FUT8: variants seen among roughly 807,000 people sequenced by gnomAD.
FUT8 encodes fucosyltransferase 8.
In FUT8, 29 loss-of-function variants were observed where a neutral mutation model predicts 71.3. The observed-to-expected ratio is 0.41, with a 90% CI of 0.30 to 0.55. The LOEUF is 0.55. FUT8 is among the 20% of genes least tolerant of loss of function. The pLI is 0.34. For missense variants in FUT8, 544 were observed against 702.1 expected (o/e 0.77, Z 2.55); for synonymous variants, 254 against 239.3 (o/e 1.06, Z -0.57).
At chr14:65,706,937 A>G (rs1894585242) in intron 7 of FUT8, among the ~76,000 whole-genome samples, 1 of 152,182 alleles carries the variant, frequency 6.6e-6, no homozygotes, top group Admixed American at 6.5e-5. Context: ...TTATAAATGT[A>G]TAGTGCTAAC....
intron 5 of FUT8, 35 bp downstream of exon 5, chr14:65,616,408 A>G (rs759138158): frequency 5.4e-6 from 8 of 1,492,540 alleles, no homozygotes; most frequent in Non-Finnish European, 7.2e-6. Context: ...TTTGGGCTTT[A>G]GAAAAGATTA....
chr14:65,565,007 T>C (rs1453793414), intron 3 of FUT8, among the ~76,000 whole-genome samples: 2 of 152,016 alleles, frequency 1.3e-5, no homozygotes, highest in Non-Finnish European at 2.9e-5. Flanking sequence ...TGGCTCATGA[T>C]TCTGGTGGCC....
intron 3 of FUT8, among the ~76,000 whole-genome samples, chr14:65,594,585 C>T (rs1279646121): frequency 6.6e-6 from 1 of 152,150 alleles, no homozygotes; most frequent in Non-Finnish European, 1.5e-5. Context: ...GCATGTGGTA[C>T]ATCCCAAATT....
rs1390048617 is a variant in FUT8, at chr14:65,574,265, C to T, written c.203+12499C>T. 1.3e-5 allele frequency among the ~76,000 whole-genome samples: 2 copies of T among 152,058 alleles called. No individual in the cohort carries two copies. Among genetic ancestry groups the T allele is most frequent in the African/African-American group, 2.4e-5 (1 of 41,378 alleles). On this transcript the variant is annotated intron_variant, in intron 3 of 10. Transcript: ENST00000673929. This position sits in a 1 kb window ranked among gnomAD's most constrained non-coding sequence, Gnocchi z 5.2. ...TCTGCTAGCAAGATAAAGTTTCAGT[C>T]TTTTTAAACACAGTCATGGAAGATA...
chr14:65,718,769 A>G (rs548852199), intron 7 of FUT8, among the ~76,000 whole-genome samples: 13 of 152,126 alleles, frequency 8.5e-5, no homozygotes, highest in Middle Eastern at 3.4e-3. Context: ...TTTTTCCCTC[A>G]GTAGTTTATG....
chr14:65,666,379 A>G (rs1476140645), intron 6 of FUT8, among the ~76,000 whole-genome samples: 2 of 152,174 alleles, frequency 1.3e-5, no homozygotes, highest in Non-Finnish European at 2.9e-5. Context: ...ATACAAAAAT[A>G]CCATCAGAGA....
At chr14:65,481,513 G>A (rs1395119611) in intron 2 of FUT8, among the ~76,000 whole-genome samples, 1 of 151,922 alleles carries the variant, frequency 6.6e-6, no homozygotes, top group Non-Finnish European at 1.5e-5. Flanking sequence ...CATCTGAAAT[G>A]AACAATTTGA....
chr14:65,611,398 T>C (rs1263188079), intron 3 of FUT8, among the ~76,000 whole-genome samples: 1 of 151,936 alleles, frequency 6.6e-6, no homozygotes, highest in East Asian at 1.9e-4. Flanking sequence ...TTCTTTCTTT[T>C]TTTTTTAAAG....
chr14:65,640,323 T>C (rs1890767327), intron 6 of FUT8, among the ~76,000 whole-genome samples: 1 of 152,114 alleles, frequency 6.6e-6, no homozygotes, highest in Non-Finnish European at 1.5e-5. Flanking sequence ...GCCAGTTTTA[T>C]AAAATTATAG....
At chr14:65,387,647 A>T in the FUT8 span, among the ~76,000 whole-genome samples, 6 of 152,326 alleles carry the variant, frequency 3.9e-5, no homozygotes, top group African/African-American at 1.4e-4. Context: ...TCAATTCAGA[A>T]TATCTGCCAG....
At chr14:65,548,844 A>G (rs1885122938) in intron 2 of FUT8, among the ~76,000 whole-genome samples, 1 of 152,190 alleles carries the variant, frequency 6.6e-6, no homozygotes, top group Admixed American at 6.5e-5. Context: ...TAAAAGACTT[A>G]TGTTCAGAAT....
At chr14:65,397,080 G>A in the FUT8 span, among the ~76,000 whole-genome samples, 2 of 152,154 alleles carry the variant, frequency 1.3e-5, no homozygotes, top group Non-Finnish European at 2.9e-5. The surrounding 1 kb of genome is among the most constrained non-coding windows in gnomAD (Gnocchi z 4.2). Context: ...GGATAATTAG[G>A]GATCTAGGCC....
At chr14:65,722,127 C>T (rs781741894) in intron 8 of FUT8, 106 bp downstream of exon 8, 8 of 1,363,534 alleles carry the variant, frequency 5.9e-6, no homozygotes, top group Non-Finnish European at 8.0e-6. Flanking sequence ...TTTTTATAGT[C>T]CCACCAAAGG....
intron 3 of FUT8, among the ~76,000 whole-genome samples, chr14:65,582,836 A>G (rs574017367): frequency 2.0e-5 from 3 of 152,314 alleles, no homozygotes; most frequent in East Asian, 3.9e-4. Flanking sequence ...GAATGAGCCC[A>G]GTTGATTTGG....
intron 2 of FUT8, among the ~76,000 whole-genome samples, chr14:65,539,226 C>G (rs918676720): frequency 3.3e-5 from 5 of 152,132 alleles, no homozygotes; most frequent in African/African-American, 1.2e-4. Context: ...TGTATTTCAT[C>G]GTCCTAAATT....
rs1434496128 is a variant in FUT8, at chr14:65,739,645, G to C, written c.1411-2448G>C. Among the ~76,000 whole-genome samples the C allele has an allele frequency of 2.0e-5, 3 of 151,936 alleles. No homozygotes were observed. In the South Asian group the frequency reaches 6.2e-4, roughly 32 times the overall value. Reference sequence around the variant, plus strand: ...CCTGGCTAGGGATGACTGAAGAGTGGGTGAAGACACCCTGAAAAGAAGACT... The same window carrying C: ...CCTGGCTAGGGATGACTGAAGAGTGCGTGAAGACACCCTGAAAAGAAGACT... On this transcript the variant is annotated intron_variant, in intron 10 of 10. Transcript: ENST00000673929.
In FUT8 at chr14:65,669,214, T is replaced by G. The variant is rs200761287; in HGVS notation, c.598-29T>G. The G allele has an allele frequency of 2.3e-4, 358 of 1,571,788 alleles. No homozygotes were observed. Among genetic ancestry groups the G allele is most frequent in the Non-Finnish European group, 3.1e-4 (350 of 1,144,924 alleles). On this transcript the variant is annotated intron_variant, in intron 6 of 10. Transcript: ENST00000673929. This position sits in a 1 kb window ranked among gnomAD's most constrained non-coding sequence, Gnocchi z 4.5. ...GTTGACCTCTCTGTACAACTTATCT[T>G]TATTTTCATTTCTCTTTCTCCCTGA...
rs1336692099 is a variant in FUT8, at chr14:65,616,099, TG to T, written c.319+7del. ...CAAGAAACAGACCAGAAATGGTAGG[TG>T]ATTATACAGTGTTTTCCCCTCCTCA... is the stretch of plus-strand genomic sequence containing the variant. On this transcript the variant is annotated splice_region_variant and intron_variant, in intron 4 of 10. Transcript: ENST00000673929. 1 of 1,611,344 alleles carries T rather than the reference TG, an allele frequency of 6.2e-7. No homozygotes were observed. The highest frequency in any genetic ancestry group is 1.7e-5 in the Admixed American group (1 of 59,904).
intron 2 of FUT8, among the ~76,000 whole-genome samples, chr14:65,561,093 C>T (rs1270231760): frequency 6.6e-6 from 1 of 152,088 alleles, no homozygotes; most frequent in Non-Finnish European, 1.5e-5. Flanking sequence ...GTGATGATGG[C>T]ACTTTGAGGA....
Sources: gnomAD v4.1 joint callset for allele counts (sites outside exome capture counted in the v4.1 genomes callset) on GRCh38, gnomAD v4.1.1 for gene constraint, Gnocchi (gnomAD v3.1) non-coding constraint, MANE v1.5 for transcripts, NCBI Gene and HGNC (gene_info 2026-07-23, HGNC 2026-07-21) for gene names.